Variants in HVCN1 observed in about 807,000 individuals in gnomAD.
HVCN1 encodes voltage-gated hydrogen channel 1.
HVCN1 carries 14 observed loss-of-function variants against 29.2 expected under a neutral mutation model. That is an observed-to-expected ratio of 0.48 (90% CI 0.32 to 0.75). The LOEUF (loss-of-function observed/expected upper bound fraction) is 0.75. Among genes scored for constraint, HVCN1 ranks in the 30% least tolerant of loss-of-function variants. The pLI is 0.04. For missense variants in HVCN1, 263 were observed against 341.8 expected, an observed-to-expected ratio of 0.77 and a Z score of 1.82; for synonymous variants, 131 against 133.2, an observed-to-expected ratio of 0.98 and a Z score of 0.11.
chr12:110,691,475 A>T (rs2069405734), upstream of HVCN1, among the ~76,000 whole-genome samples: 1 of 152,126 alleles, frequency 6.6e-6, no homozygotes, highest in Middle Eastern at 3.4e-3. Context: ...TTCAACTTCA[A>T]CTTCCTTATA....
intron 2 of HVCN1, among the ~76,000 whole-genome samples, chr12:110,696,576 C>T (rs999046896): frequency 1.2e-4 from 18 of 152,010 alleles, no homozygotes; most frequent in African/African-American, 4.3e-4. Flanking sequence ...AAACCCTGTA[C>T]CCATGAAGCA....
intron 3 of HVCN1, among the ~76,000 whole-genome samples, chr12:110,675,679 G>A (rs958384770): frequency 6.6e-6 from 1 of 152,072 alleles, no homozygotes; most frequent in African/African-American, 2.4e-5. Flanking sequence ...GCTGAGGTGG[G>A]TGGATTGCTT....
intron 2 of HVCN1, among the ~76,000 whole-genome samples, chr12:110,700,769 A>G (rs1285138463): frequency 6.6e-6 from 1 of 152,098 alleles, no homozygotes; most frequent in African/African-American, 2.4e-5. Flanking sequence ...ACTTGGAGAT[A>G]TTTATAATTG....
intron 3 of HVCN1, among the ~76,000 whole-genome samples, chr12:110,679,785 G>A (rs1490185062): frequency 2.6e-5 from 4 of 152,000 alleles, no homozygotes; most frequent in African/African-American, 7.2e-5. Flanking sequence ...CCCGGGAAGC[G>A]GAGCTTGCAG....
intron 2 of HVCN1, among the ~76,000 whole-genome samples, chr12:110,687,746 G>T (rs11065694): frequency 0.057 from 8,678 of 152,184 alleles, 366 homozygotes; most frequent in African/African-American, 0.12. Context: ...GAGGAGCGGG[G>T]TGGTGGATGA....
rs766895530 is a variant in HVCN1, at chr12:110,683,909, T to TAA, written c.-19-647_-19-646dup. 6.9e-3 allele frequency among the ~76,000 whole-genome samples: 465 copies of TAA among 67,792 alleles called. 4 individuals carry two copies. Among genetic ancestry groups the TAA allele is most frequent in the African/African-American group, 0.019 (348 of 18,630 alleles). 44.5% of individuals were successfully genotyped at this position (67,792 alleles called of 152,430 possible). On this transcript the variant is annotated intron_variant, in intron 2 of 7. Transcript: ENST00000242607. ...CTGGGCAACAGAACAAGACTCTATC[T>TAA]AAAAAAAAAAAAAAAAGGAAAAAAA...
chr12:110,696,655 G>A lies in HVCN1; in HGVS notation c.-104+5654C>T, dbSNP rs550183519. On this transcript the variant is annotated intron_variant, in intron 2 of 4. Coordinates refer to the HVCN1 transcript ENST00000546713. ...GTCTACTTTCTGTCTCCATGGATTTGCCTGCTTTAAATGGAATATCATCAT... is the reference window on the plus strand; with the variant it reads ...GTCTACTTTCTGTCTCCATGGATTTACCTGCTTTAAATGGAATATCATCAT... Among the ~76,000 whole-genome samples, 14 of 152,128 alleles carry A rather than the reference G, an allele frequency of 9.2e-5. No homozygotes were observed. The East Asian group carries it at 1.5e-3, about 17-fold the overall frequency.
chr12:110,665,184 T>G (rs77941771), intron 3 of HVCN1, among the ~76,000 whole-genome samples: 1 of 152,210 alleles, frequency 6.6e-6, no homozygotes, highest in East Asian at 1.9e-4. Flanking sequence ...AGATGCATAC[T>G]GTCTAGCATA....
chr12:110,663,490 C>T (rs1355915275), intron 3 of HVCN1, among the ~76,000 whole-genome samples: 1 of 142,552 alleles, frequency 7.0e-6, no homozygotes, highest in Non-Finnish European at 1.5e-5. Flanking sequence ...GTCCCAGCTA[C>T]TTGGGAGGCT....
At chr12:110,685,635 T>C (rs536015826) in intron 2 of HVCN1, among the ~76,000 whole-genome samples, 19 of 152,210 alleles carry the variant, frequency 1.2e-4, no homozygotes, top group African/African-American at 4.1e-4. Flanking sequence ...TCCAATCTCC[T>C]CCCACCCCAG....
At chr12:110,683,335 T>C in intron 2 of HVCN1, 71 bp from the exon 3 acceptor site, 1 of 1,500,150 alleles carries the variant, frequency 6.7e-7, no homozygotes, top group Non-Finnish European at 8.9e-7. Context: ...TGCTCTGTAA[T>C]CCTTTCTTAC....
intron 3 of HVCN1, among the ~76,000 whole-genome samples, chr12:110,673,807 T>C (rs1309588549): frequency 6.6e-6 from 1 of 152,204 alleles, no homozygotes; most frequent in Non-Finnish European, 1.5e-5. Flanking sequence ...ATTTCAGATG[T>C]TTGGAAATGC....
intron 4 of HVCN1, among the ~76,000 whole-genome samples, chr12:110,655,584 G>A (rs1404027111): frequency 2.6e-5 from 4 of 152,154 alleles, no homozygotes; most frequent in South Asian, 2.1e-4. Context: ...GCCTCTAGGC[G>A]CTGCCCACCT....
chr12:110,693,459 G>A (rs769920726), upstream of HVCN1, among the ~76,000 whole-genome samples: 9 of 151,984 alleles, frequency 5.9e-5, no homozygotes, highest in African/African-American at 1.4e-4. Context: ...CAGAAGAATC[G>A]CTTGAACCCG....
At chr12:110,668,107 ATTTTTGTAATT>A (rs2068433167) in intron 3 of HVCN1, among the ~76,000 whole-genome samples, 1 of 152,054 alleles carries the variant, frequency 6.6e-6, no homozygotes, top group African/African-American at 2.4e-5. Context: ...CGCCCGGCTA[ATTTTTGTAATT>A]TTAGTAGTGT....
Position 110,661,240 on chromosome 12 carries a change from G to T in HVCN1, c.230C>A (p.Ala77Asp), listed in dbSNP as rs747218361. The T allele has an allele frequency of 3.7e-6, 6 of 1,613,900 alleles. No individual in the cohort carries two copies. Among genetic ancestry groups the T allele is most frequent in the Admixed American group, 1.7e-5 (1 of 60,008 alleles). ...GRAAAPDVAP[A>D]PGPAPRAPLD... Reference sequence around the variant, plus strand: ...GGGGGCCCTGGGTGCGGGGCCAGGGGCAGGGGCAACGTCAGGGGCTGCAGC... The same window carrying T: ...GGGGGCCCTGGGTGCGGGGCCAGGGTCAGGGGCAACGTCAGGGGCTGCAGC... The change falls in exon 4 of 8, where the codon GCC becomes GAC. Residue 77 changes from alanine (A) to aspartate (D), a missense_variant. Coordinates refer to ENST00000242607, the MANE Select transcript of HVCN1 (RefSeq NM_032369.4). This position sits in a 1 kb window ranked among gnomAD's most constrained non-coding sequence, Gnocchi z 6.2.
At chr12:110,689,388 G>C (rs1445660668), upstream of HVCN1, 1 of 152,234 alleles carries the variant, frequency 6.6e-6, no homozygotes, top group African/African-American at 2.4e-5. The surrounding 1 kb of genome is among the most constrained non-coding windows in gnomAD (Gnocchi z 5.7). Context: ...GGTCCCGCCC[G>C]TGGGAGCGAA....
At chr12:110,704,015 C>A (rs1489945536) in intron 1 of HVCN1, among the ~76,000 whole-genome samples, 1 of 151,994 alleles carries the variant, frequency 6.6e-6, no homozygotes, top group African/African-American at 2.4e-5. Flanking sequence ...TGTATTGTTT[C>A]TCTTATTAAA....
At chr12:110,656,587 C>A (rs898229200) in intron 4 of HVCN1, among the ~76,000 whole-genome samples, 19 of 152,262 alleles carry the variant, frequency 1.2e-4, no homozygotes, top group South Asian at 8.3e-4. Context: ...CCCACCCCCC[C>A]GCCAGGGCCT....
Sources: allele counts gnomAD v4.1 joint callset (sites outside exome capture counted in the v4.1 genomes callset), GRCh38; gene constraint gnomAD v4.1.1; non-coding constraint Gnocchi (gnomAD v3.1); transcripts MANE v1.5; gene names NCBI Gene and HGNC (gene_info 2026-07-23, HGNC 2026-07-21).